Variants in TRIM33 observed in about 807,000 individuals in gnomAD.
TRIM33 encodes the protein tripartite motif containing 33, also known as E3 ubiquitin-protein ligase TRIM33.
Under a neutral mutation model 125.4 loss-of-function variants are expected in TRIM33, and 20 were observed. The ratio of observed to expected loss-of-function variants is 0.16; its 90% confidence interval spans 0.11 to 0.23. TRIM33 has a LOEUF of 0.23. Among genes scored for constraint, TRIM33 ranks in the 10% least tolerant of loss-of-function variants. The pLI, the probability that TRIM33 is intolerant of heterozygous loss-of-function variation, is 1.00. For missense variants in TRIM33, 920 were observed against 1,411.4 expected (o/e 0.65, Z 5.58); for synonymous variants, 564 against 513.9 (o/e 1.10, Z -1.32).
intron 4 of TRIM33, among the ~76,000 whole-genome samples, chr1:114,456,203 G>A (rs1158437026): frequency 1.3e-5 from 2 of 152,158 alleles, no homozygotes; most frequent in Non-Finnish European, 2.9e-5. Flanking sequence ...CAGAAAGCAC[G>A]TAAGTTCACC....
chr1:114,431,327 T>C (rs1261339447), intron 5 of TRIM33, among the ~76,000 whole-genome samples: 3 of 152,250 alleles, frequency 2.0e-5, no homozygotes, highest in South Asian at 2.1e-4. Flanking sequence ...GAAAGGATAA[T>C]AGTTAAACAT....
Position 114,397,780 on chromosome 1 carries a change from C to T in TRIM33, c.3252G>A (p.Arg1084=). ...EDKLTEIYSD[R]TFAPLPEFEQ... Reference sequence around the variant, plus strand: ...CAAACTCTGGCAAAGGTGCGAAGGTCCTGTCTGAGTAGATCTCTGTGAGTT... The same window carrying T: ...CAAACTCTGGCAAAGGTGCGAAGGTTCTGTCTGAGTAGATCTCTGTGAGTT... The change falls in exon 20 of 20, where the codon AGG becomes AGA. Residue 1084 remains arginine, a synonymous_variant. Coordinates refer to ENST00000358465, the MANE Select transcript of TRIM33 (RefSeq NM_015906.4). The T allele has an allele frequency of 6.2e-7, 1 of 1,613,842 alleles. No homozygotes were observed. Among genetic ancestry groups the T allele is most frequent in the Non-Finnish European group, 8.5e-7 (1 of 1,179,938 alleles).
intron 11 of TRIM33, among the ~76,000 whole-genome samples, chr1:114,410,955 A>C (rs1344705202): frequency 6.6e-6 from 1 of 152,206 alleles, no homozygotes; most frequent in African/African-American, 2.4e-5. Flanking sequence ...AAATGACAAA[A>C]TGTGTAAGAA....
intron 11 of TRIM33, among the ~76,000 whole-genome samples, chr1:114,413,678 T>C (rs1652747363): frequency 7.2e-6 from 1 of 138,394 alleles, no homozygotes; most frequent in African/African-American, 2.7e-5. Context: ...ACAGTATTTA[T>C]AGCACTAGGT....
In TRIM33 at chr1:114,408,469, C is replaced by G. The variant is rs138145755; in HGVS notation, c.2258+208G>C. On this transcript the variant is annotated intron_variant, in intron 13 of 19. Coordinates refer to ENST00000358465, the MANE Select transcript of TRIM33 (RefSeq NM_015906.4). ...TAAGTGATATATACTGAAACAGTCA[C>G]GAGTGAAATGACTGAGATTTGTTTC... Among the ~76,000 whole-genome samples, 131 of 151,884 alleles carry G rather than the reference C, an allele frequency of 8.6e-4. 2 individuals carry two copies. In the East Asian group the frequency reaches 0.019, roughly 22 times the overall value.
chr1:114,477,921 AATTTAAAAG>A (rs1651071647), intron 1 of TRIM33, among the ~76,000 whole-genome samples: 1 of 152,234 alleles, frequency 6.6e-6, no homozygotes, highest in Non-Finnish European at 1.5e-5. Context: ...AGACTACTAA[AATTTAAAAG>A]ATAAGTTTAC....
chr1:114,408,879 G>C, intron 12 of TRIM33, 139 bp from the exon 13 acceptor site: 1 of 596,140 alleles, frequency 1.7e-6, no homozygotes. Flanking sequence ...AGTCAGGGAC[G>C]CATGTGTAAC....
At chr1:114,488,657 G>A (rs1283120497) in intron 1 of TRIM33, among the ~76,000 whole-genome samples, 4 of 152,090 alleles carry the variant, frequency 2.6e-5, no homozygotes, top group Non-Finnish European at 5.9e-5. Flanking sequence ...CCAGCTACTA[G>A]GAGTCTGAGG....
At chr1:114,416,303 C>T (rs1379986145) in intron 11 of TRIM33, among the ~76,000 whole-genome samples, 1 of 152,192 alleles carries the variant, frequency 6.6e-6, no homozygotes, top group Non-Finnish European at 1.5e-5. Context: ...GATACATGTA[C>T]TGTACCATAA....
At chr1:114,400,161 T>C (rs1651785259) in intron 17 of TRIM33, among the ~76,000 whole-genome samples, 1 of 152,168 alleles carries the variant, frequency 6.6e-6, no homozygotes, top group African/African-American at 2.4e-5. Flanking sequence ...ATTTCTACCC[T>C]TGGGATAAAA....
intron 1 of TRIM33, among the ~76,000 whole-genome samples, chr1:114,507,561 C>A (rs1216948798): frequency 6.6e-6 from 1 of 152,172 alleles, no homozygotes; most frequent in African/African-American, 2.4e-5. Context: ...ATTGTTGAAG[C>A]ATTTCTCAGT....
rs1343473737 is a variant in TRIM33, at chr1:114,452,295, A to C, written c.923+10809T>G. 4.6e-5 allele frequency among the ~76,000 whole-genome samples: 7 copies of C among 152,042 alleles called. No homozygotes were observed. In the East Asian group the frequency reaches 1.4e-3, roughly 29 times the overall value. On this transcript the variant is annotated intron_variant, in intron 4 of 19. Transcript: ENST00000358465. ...GCCAACATGGTGAAACCCCGTCTCT[A>C]CTAAAAATACAAAAAGTAGCTGGGC...
intron 4 of TRIM33, among the ~76,000 whole-genome samples, chr1:114,449,105 G>A (rs2101292021): frequency 6.6e-6 from 1 of 152,150 alleles, no homozygotes; most frequent in Non-Finnish European, 1.5e-5. Flanking sequence ...GAGAGGTTAT[G>A]GGTGATGACA....
In TRIM33 at chr1:114,430,773, GTTTTAT is replaced by G. The variant is rs1557861253; in HGVS notation, c.1155+19_1155+24del. On this transcript the variant is annotated intron_variant, in intron 6 of 19. Coordinates refer to ENST00000358465, the MANE Select transcript of TRIM33 (RefSeq NM_015906.4). ...CTAAAGAGCAAGAGAAGCAGTTTTT[GTTTTAT>G]TTTGGCTTTGAACCATACCTCTAGC... 4.7e-6 allele frequency: 6 copies of G among 1,285,540 alleles called. No homozygotes were observed. The highest frequency in any genetic ancestry group is 5.7e-6 in the Non-Finnish European group (5 of 883,596). 79.6% of individuals were successfully genotyped at this position (1,285,540 alleles called of 1,614,324 possible). A position where few individuals can be genotyped will look rare whatever the true frequency, so the allele number is the denominator to read the frequency against.
intron 4 of TRIM33, among the ~76,000 whole-genome samples, chr1:114,435,456 C>T (rs1027037844): frequency 4.3e-4 from 66 of 152,104 alleles, no homozygotes; most frequent in African/African-American, 1.6e-3. Flanking sequence ...ACTAAAATCA[C>T]AAAAGTAATA....
chr1:114,418,497 T>G (rs939279815), intron 11 of TRIM33, among the ~76,000 whole-genome samples: 1 of 152,182 alleles, frequency 6.6e-6, no homozygotes, highest in Non-Finnish European at 1.5e-5. Context: ...ACATTTAGTT[T>G]ATGGTTTACA....
chr1:114,509,873 T>C (rs977565302), intron 1 of TRIM33, among the ~76,000 whole-genome samples: 11 of 152,208 alleles, frequency 7.2e-5, no homozygotes, highest in African/African-American at 2.4e-4. Context: ...AACGGCCAAT[T>C]AGCTAAAACA....
intron 4 of TRIM33, among the ~76,000 whole-genome samples, chr1:114,446,844 C>T (rs1649011080): frequency 6.6e-6 from 1 of 152,080 alleles, no homozygotes; most frequent in Non-Finnish European, 1.5e-5. Flanking sequence ...CACACTTGAG[C>T]CCAGGAGTTC....
rs911104057 is a variant in TRIM33 at position 114,393,591 on chromosome 1, T to C, written c.*4057A>G. 3 of 209,226 alleles carry C rather than the reference T, an allele frequency of 1.4e-5. No individual in the cohort carries two copies. Among genetic ancestry groups the C allele is most frequent in the Non-Finnish European group, 2.9e-5 (3 of 102,586 alleles). 13.0% of individuals were successfully genotyped at this position (209,226 alleles called of 1,614,324 possible). A position where few individuals can be genotyped will look rare whatever the true frequency, so the allele number is the denominator to read the frequency against. ...TGTTTCTTCGATACAATAAAAAATATATAAAGGACCACATAGGCAAACACA... is the reference window on the plus strand; with the variant it reads ...TGTTTCTTCGATACAATAAAAAATACATAAAGGACCACATAGGCAAACACA... On this transcript the variant is annotated 3_prime_UTR_variant, in exon 20 of 20. Transcript: ENST00000358465.
Sources: allele counts gnomAD v4.1 joint callset (sites outside exome capture counted in the v4.1 genomes callset), GRCh38; gene constraint gnomAD v4.1.1; transcripts MANE v1.5; gene names NCBI Gene and HGNC (gene_info 2026-07-23, HGNC 2026-07-21).